Variants in CDC73 observed in about 807,000 individuals in gnomAD.
CDC73 encodes parafibromin.
In CDC73, 21 loss-of-function variants were observed where a neutral mutation model predicts 83.7. The observed-to-expected ratio is 0.25, with a 90% confidence interval of 0.18 to 0.36. The LOEUF (loss-of-function observed/expected upper bound fraction) is 0.36. Among genes scored for constraint, CDC73 ranks in the 10% least tolerant of loss-of-function variants. The probability of loss-of-function intolerance (pLI) is 1.00; values close to 1 mark genes in which losing one functional copy is unlikely to be tolerated. For synonymous variants in CDC73, 224 were observed against 212.9 expected (o/e 1.05, Z -0.45); for missense variants, 342 against 653.3 (o/e 0.52, Z 5.19).
intron 13 of CDC73, among the ~76,000 whole-genome samples, chr1:193,226,143 G>C (rs553435584): frequency 1.1e-4 from 16 of 152,220 alleles, no homozygotes; most frequent in Non-Finnish European, 2.1e-4. Flanking sequence ...CATGTGACTT[G>C]CCAATTATCC....
At chr1:193,203,025 T>TA (rs1677118155) in intron 10 of CDC73, among the ~76,000 whole-genome samples, 1 of 152,118 alleles carries the variant, frequency 6.6e-6, no homozygotes, top group Non-Finnish European at 1.5e-5. Flanking sequence ...AATTCATAGT[T>TA]ATGAAATTTA....
chr1:193,179,198 CA>C (rs1335889167), intron 10 of CDC73: 1 of 152,064 alleles, frequency 6.6e-6, no homozygotes, highest in Non-Finnish European at 1.5e-5. Flanking sequence ...TGTCATCTAC[CA>C]AATTAAAAAC....
At chr1:193,122,816 T>C (rs141402385) in intron 1 of CDC73, among the ~76,000 whole-genome samples, 1 of 152,134 alleles carries the variant, frequency 6.6e-6, no homozygotes, top group Non-Finnish European at 1.5e-5. Flanking sequence ...GGGTGATTCC[T>C]GTAGAAGAGA....
At chr1:193,151,432 C>T (rs988860529) in intron 9 of CDC73, among the ~76,000 whole-genome samples, 3 of 152,096 alleles carry the variant, frequency 2.0e-5, no homozygotes, top group Non-Finnish European at 2.9e-5. Flanking sequence ...CTAAATATCA[C>T]CCTCCATGGG....
intron 10 of CDC73, among the ~76,000 whole-genome samples, chr1:193,198,456 C>T (rs1423929222): frequency 6.6e-6 from 1 of 152,190 alleles, no homozygotes; most frequent in Non-Finnish European, 1.5e-5. Context: ...TGTCTGTCCC[C>T]TCCAGAGGAT....
At chr1:193,229,165 C>G (rs974429736) in intron 13 of CDC73, among the ~76,000 whole-genome samples, 1 of 152,214 alleles carries the variant, frequency 6.6e-6, no homozygotes, top group East Asian at 1.9e-4. Flanking sequence ...GGAAAACTTC[C>G]TGGCAGTTTC....
rs548101983 is a variant in CDC73 at position 193,165,886 on chromosome 1, T to C, written c.972+13442T>C. The stretch of plus-strand genomic sequence containing the variant: ...GTGCCCTTATTTACTTACACTGTAT[T>C]GATATTTGGTGTTTGCCCATAAAAA... On this transcript the variant is annotated intron_variant, in intron 10 of 16. Coordinates refer to ENST00000367435, the MANE Select transcript of CDC73 (RefSeq NM_024529.5). Among the ~76,000 whole-genome samples the C allele has an allele frequency of 1.3e-4, 20 of 152,334 alleles. No homozygotes were observed. In the South Asian group the frequency reaches 3.9e-3, roughly 30 times the overall value.
Position 193,154,778 on chromosome 1 carries a change from A to AT in CDC73, c.972+2341dup, listed in dbSNP as rs576040253. On this transcript the variant is annotated intron_variant, in intron 10 of 16. Coordinates refer to ENST00000367435, the MANE Select transcript of CDC73 (RefSeq NM_024529.5). ...CTCAGACTTACGTTTTCAATTTAAT[A>AT]TTTTTTTCTCTTCTTTTCTGCTTTG... Among the ~76,000 whole-genome samples, 37 of 152,120 alleles carry AT rather than the reference A, an allele frequency of 2.4e-4. No individual in the cohort carries two copies. In the East Asian group the frequency reaches 5.6e-3, roughly 23 times the overall value.
At chr1:193,146,343 T>C (rs1676000237) in intron 7 of CDC73, among the ~76,000 whole-genome samples, 1 of 152,200 alleles carries the variant, frequency 6.6e-6, no homozygotes, top group South Asian at 2.1e-4. Context: ...TTGTCTGTTT[T>C]GTGCTGCTGT....
chr1:193,196,303 C>T (rs549137962), intron 10 of CDC73, among the ~76,000 whole-genome samples: 155 of 152,128 alleles, frequency 1.0e-3, no homozygotes, highest in Non-Finnish European at 1.8e-3. Flanking sequence ...TGACCATATA[C>T]GTGTGAGGTT....
In CDC73 at chr1:193,197,029, A is replaced by G. The variant is rs189591277; in HGVS notation, c.973-6766A>G. On this transcript the variant is annotated intron_variant, in intron 10 of 16. Transcript: ENST00000367435. ...TTGTCTTGTTCCTGATCTTAGGGAC[A>G]AAGCTTTGTCTTTTACCATTGAGTA... is the stretch of plus-strand genomic sequence containing the variant. Among the ~76,000 whole-genome samples, 309 of 152,322 alleles carry G rather than the reference A, an allele frequency of 2.0e-3. 1 individual carries two copies. Among genetic ancestry groups the G allele is most frequent in the Non-Finnish European group, 3.7e-3 (249 of 68,024 alleles).
chr1:193,165,095 T>G (rs1676413233), intron 10 of CDC73, among the ~76,000 whole-genome samples: 1 of 152,204 alleles, frequency 6.6e-6, no homozygotes, highest in African/African-American at 2.4e-5. Context: ...CTCACTACGT[T>G]GCCCAGGTTG....
At chr1:193,136,848 C>T (rs1675810587) in intron 5 of CDC73, among the ~76,000 whole-genome samples, 1 of 152,136 alleles carries the variant, frequency 6.6e-6, no homozygotes, top group Non-Finnish European at 1.5e-5. Flanking sequence ...GCCACTGCGC[C>T]CAGCTCAAGG....
intron 8 of CDC73, among the ~76,000 whole-genome samples, chr1:193,149,846 A>T (rs555866623): frequency 9.2e-5 from 14 of 152,074 alleles, no homozygotes; most frequent in Admixed American, 9.2e-4. Flanking sequence ...CTAATTATTT[A>T]AAAAAAATAC....
intron 10 of CDC73, among the ~76,000 whole-genome samples, chr1:193,174,183 G>C (rs916567016): frequency 2.2e-4 from 34 of 151,944 alleles, no homozygotes; most frequent in Admixed American, 2.6e-4. Flanking sequence ...TCAACAACTT[G>C]ACAAGTTCTT....
At chr1:193,238,330 A>G in intron 15 of CDC73, among the ~76,000 whole-genome samples, 1 of 152,012 alleles carries the variant, frequency 6.6e-6, no homozygotes, top group Non-Finnish European at 1.5e-5. Context: ...TTCCTTTTAT[A>G]GCTGCACTTT....
intron 15 of CDC73, among the ~76,000 whole-genome samples, chr1:193,241,860 G>A (rs984706285): frequency 4.6e-5 from 7 of 152,180 alleles, no homozygotes; most frequent in Non-Finnish European, 1.0e-4. Flanking sequence ...AGGCAGGGGT[G>A]GGGTGTTCTT....
At chr1:193,237,521 A>C (rs1345669867) in intron 15 of CDC73, among the ~76,000 whole-genome samples, 8 of 152,146 alleles carry the variant, frequency 5.3e-5, no homozygotes, top group Non-Finnish European at 8.8e-5. Context: ...GGATGTAAAG[A>C]AATTGATCTA....
rs370447080 is a variant in CDC73 at position 193,229,379 on chromosome 1, G to C, written c.1155-3614G>C. Among the ~76,000 whole-genome samples, 217 of 152,336 alleles carry C rather than the reference G, an allele frequency of 1.4e-3. 1 individual carries two copies. Among genetic ancestry groups the C allele is most frequent in the South Asian group, 6.8e-3 (33 of 4,828 alleles). ...TTGAAACTTAGTCACTAATGCCCCA[G>C]GGTATTTGTGAAGTAATTAGGTCAT... On this transcript the variant is annotated intron_variant, in intron 13 of 16. Coordinates refer to ENST00000367435, the MANE Select transcript of CDC73 (RefSeq NM_024529.5).
Sources: gnomAD v4.1 joint callset for allele counts (sites outside exome capture counted in the v4.1 genomes callset) on GRCh38, gnomAD v4.1.1 for gene constraint, MANE v1.5 for transcripts, NCBI Gene and HGNC (gene_info 2026-07-23, HGNC 2026-07-21) for gene names.